RABGAP1L: variants seen among roughly 807,000 people sequenced by gnomAD.
RABGAP1L encodes RAB GTPase activating protein 1 like.
Under a neutral mutation model 137.7 loss-of-function variants are expected in RABGAP1L, and 63 were observed. The ratio of observed to expected loss-of-function variants is 0.46; its 90% confidence interval spans 0.37 to 0.56. RABGAP1L has a LOEUF of 0.56. RABGAP1L is among the 20% of genes least tolerant of loss of function. The pLI, the probability that RABGAP1L is intolerant of heterozygous loss-of-function variation, is 0.00. For synonymous variants in RABGAP1L, 431 were observed against 433.7 expected (o/e 0.99, Z 0.08); for missense variants, 1,095 against 1,244.0 (o/e 0.88, Z 1.80).
chr1:174,525,933 C>A (rs116623815), intron 13 of RABGAP1L, among the ~76,000 whole-genome samples: 2 of 152,106 alleles, frequency 1.3e-5, no homozygotes, highest in Non-Finnish European at 2.9e-5. Context: ...ATGTATCACA[C>A]TGATTGATTT....
chr1:174,563,118 A>G (rs556152932), intron 13 of RABGAP1L, among the ~76,000 whole-genome samples: 145 of 152,314 alleles, frequency 9.5e-4, no homozygotes, highest in African/African-American at 3.3e-3. Context: ...CTGGCCACCA[A>G]GCTTGAAATA....
intron 20 of RABGAP1L, among the ~76,000 whole-genome samples, chr1:174,967,703 T>C (rs920493710): frequency 6.6e-6 from 1 of 151,970 alleles, no homozygotes; most frequent in African/African-American, 2.4e-5. Context: ...CTGAGGCTGG[T>C]CTTGAATTCC....
chr1:174,353,854 C>A (rs1426376204), intron 11 of RABGAP1L, among the ~76,000 whole-genome samples: 2 of 152,198 alleles, frequency 1.3e-5, no homozygotes, highest in Admixed American at 6.5e-5. Flanking sequence ...GTGCCTCTTT[C>A]TTTGATAGCT....
intron 1 of RABGAP1L, among the ~76,000 whole-genome samples, chr1:174,202,427 T>C (rs1668188619): frequency 6.6e-6 from 1 of 152,218 alleles, no homozygotes; most frequent in Admixed American, 6.5e-5. Context: ...TTTAATGTGG[T>C]TTTTGGCTGC....
At chr1:174,930,663 A>G (rs2149258812) in intron 19 of RABGAP1L, among the ~76,000 whole-genome samples, 1 of 152,340 alleles carries the variant, frequency 6.6e-6, no homozygotes, top group Middle Eastern at 3.4e-3. Context: ...AGTAGAGAGA[A>G]GAGCACCGTG....
At chr1:174,580,380 C>T (rs535990289) in intron 13 of RABGAP1L, among the ~76,000 whole-genome samples, 2 of 152,198 alleles carry the variant, frequency 1.3e-5, no homozygotes, top group East Asian at 3.9e-4. Context: ...TGGAAGCAAC[C>T]CAGATGTCCA....
chr1:174,575,485 T>C (rs1157232093), intron 13 of RABGAP1L, among the ~76,000 whole-genome samples: 2 of 152,104 alleles, frequency 1.3e-5, no homozygotes, highest in African/African-American at 4.8e-5. Flanking sequence ...AGACCCATCA[T>C]CAGTTGTGAA....
chr1:174,380,778 C>G (rs1686064400), intron 12 of RABGAP1L, among the ~76,000 whole-genome samples: 1 of 96,132 alleles, frequency 1.0e-5, no homozygotes, highest in South Asian at 4.4e-4. Context: ...TTTTTTGTGT[C>G]TCTATTTCCT....
At chr1:174,342,371 G>A (rs1682049413) in intron 11 of RABGAP1L, among the ~76,000 whole-genome samples, 1 of 152,154 alleles carries the variant, frequency 6.6e-6, no homozygotes, top group East Asian at 1.9e-4. Flanking sequence ...AGTAAGTATT[G>A]TTGATGGTTG....
In RABGAP1L at chr1:174,465,932, A is replaced by G. The variant is rs556380720; in HGVS notation, c.1710+71787A>G. Among the ~76,000 whole-genome samples the G allele has an allele frequency of 6.7e-4, 102 of 152,340 alleles. 1 individual carries two copies. Among genetic ancestry groups the G allele is most frequent in the African/African-American group, 2.5e-3 (102 of 41,584 alleles). On this transcript the variant is annotated intron_variant, in intron 13 of 25. Transcript: ENST00000681986. ...TCTGAACTACATCAGTGAGGGAACTATTAAAGAAGGAGACACAAAAATTTA... is the reference window on the plus strand; with the variant it reads ...TCTGAACTACATCAGTGAGGGAACTGTTAAAGAAGGAGACACAAAAATTTA...
chr1:174,791,604 C>G (rs907209274), intron 18 of RABGAP1L, among the ~76,000 whole-genome samples: 2 of 152,166 alleles, frequency 1.3e-5, no homozygotes, highest in Non-Finnish European at 2.9e-5. Context: ...CAGGCTTCTG[C>G]TAACATATGT....
intron 19 of RABGAP1L, among the ~76,000 whole-genome samples, chr1:174,832,501 C>T (rs2156854): frequency 0.58 from 85,237 of 146,400 alleles, 29,970 homozygotes; most frequent in East Asian, 0.91. Flanking sequence ...AGATGAACTG[C>T]GCCCAAAAAC....
chr1:174,489,543 G>A (rs1558277594), intron 13 of RABGAP1L, among the ~76,000 whole-genome samples: 1 of 151,438 alleles, frequency 6.6e-6, no homozygotes, highest in African/African-American at 2.4e-5. Flanking sequence ...GTGCTGGAGA[G>A]GATGTGGAGA....
chr1:174,517,774 T>A (rs1476399256), intron 13 of RABGAP1L, among the ~76,000 whole-genome samples: 1 of 152,220 alleles, frequency 6.6e-6, no homozygotes, highest in African/African-American at 2.4e-5. Flanking sequence ...AATTCCTTCT[T>A]ATTATTTTAT....
At chr1:174,710,645 C>G (rs2148552163) in intron 17 of RABGAP1L, among the ~76,000 whole-genome samples, 1 of 152,304 alleles carries the variant, frequency 6.6e-6, no homozygotes, top group Non-Finnish European at 1.5e-5. Flanking sequence ...TTGTCACCAC[C>G]AGGCCTGCCT....
At chr1:174,607,521 A>C (rs1670877780) in intron 13 of RABGAP1L, among the ~76,000 whole-genome samples, 1 of 152,116 alleles carries the variant, frequency 6.6e-6, no homozygotes, top group South Asian at 2.1e-4. Flanking sequence ...GATACCCAGG[A>C]TCACAATGCT....
chr1:174,558,162 T>G (rs1469332633), intron 13 of RABGAP1L, among the ~76,000 whole-genome samples: 2 of 152,224 alleles, frequency 1.3e-5, no homozygotes, highest in African/African-American at 4.8e-5. Context: ...TCATCCGTAT[T>G]ACTCTTTGAG....
intron 13 of RABGAP1L, among the ~76,000 whole-genome samples, chr1:174,412,811 T>C (rs1650097304): frequency 6.6e-6 from 1 of 152,180 alleles, no homozygotes; most frequent in African/African-American, 2.4e-5. Context: ...TGGCTTGTAA[T>C]GTTTCTGATG....
chr1:174,216,825 A>T (rs1447533346), intron 1 of RABGAP1L, among the ~76,000 whole-genome samples: 2 of 152,292 alleles, frequency 1.3e-5, no homozygotes, highest in East Asian at 3.9e-4. Context: ...TGGGCCTTGT[A>T]AGTCTTGGGA....
Sources: allele counts gnomAD v4.1 joint callset (sites outside exome capture counted in the v4.1 genomes callset), GRCh38; gene constraint gnomAD v4.1.1; transcripts MANE v1.5; gene names NCBI Gene and HGNC (gene_info 2026-07-23, HGNC 2026-07-21).